ZNF804B: variants seen among roughly 807,000 people sequenced by gnomAD.
The protein encoded by ZNF804B is zinc finger 804B.
Under a neutral mutation model 101.4 loss-of-function variants are expected in ZNF804B, and 80 were observed. The ratio of observed to expected loss-of-function variants is 0.79; its 90% CI spans 0.66 to 0.95. The LOEUF is 0.95. Among genes scored for constraint, ZNF804B ranks in the 40% least tolerant of loss-of-function variants. The pLI, the probability that ZNF804B is intolerant of heterozygous loss-of-function variation, is 0.00. For synonymous variants in ZNF804B, 622 were observed against 558.8 expected, an observed-to-expected ratio of 1.11 and a Z score of -1.59; for missense variants, 1,673 against 1,561.9, an observed-to-expected ratio of 1.07 and a Z score of -1.20.
chr7:88,984,294 A>G lies in ZNF804B; in HGVS notation c.108+224210A>G, dbSNP rs184161770. On this transcript the variant is annotated intron_variant, in intron 1 of 3. Coordinates refer to ENST00000333190, the MANE Select transcript of ZNF804B (RefSeq NM_181646.5). ...CAGCTTAGTGTTTAACAAGACAATC[A>G]TTTCTTCTTAATGGAGGAATTTAAC... Among the ~76,000 whole-genome samples, 39 of 152,130 alleles carry G rather than the reference A, an allele frequency of 2.6e-4. No individual in the cohort carries two copies. In the East Asian group the frequency reaches 7.0e-3, roughly 27 times the overall value.
intron 1 of ZNF804B, among the ~76,000 whole-genome samples, chr7:89,155,866 C>T (rs919646014): frequency 6.6e-6 from 1 of 151,614 alleles, no homozygotes. Context: ...TCCTTGACCA[C>T]CCCTTTCTTC....
Position 89,333,878 on chromosome 7 carries a change from ACT to A in ZNF804B, c.899_900del (p.Ser300Ter). 1 of 1,613,172 alleles carries A rather than the reference ACT, an allele frequency of 6.2e-7. No homozygotes were observed. Among genetic ancestry groups the A allele is most frequent in the Non-Finnish European group, 8.5e-7 (1 of 1,179,612 alleles). ...GTTTTACACAATACCATCTCCATAA[ACT>A]CTAAAATTTTGCAAGACAAACACGA... On this transcript the variant is annotated frameshift_variant, in exon 4 of 4. Coordinates refer to ENST00000333190, the MANE Select transcript of ZNF804B (RefSeq NM_181646.5). LOFTEE classifies it high-confidence loss of function.
intron 1 of ZNF804B, among the ~76,000 whole-genome samples, chr7:88,876,725 GTGCTTTCATCTTC>G (rs1475646986): frequency 6.6e-6 from 1 of 151,808 alleles, no homozygotes; most frequent in East Asian, 1.9e-4. Flanking sequence ...AACATGGGCT[GTGCTTTCATCTTC>G]TTAATTAAAA....
intron 1 of ZNF804B, among the ~76,000 whole-genome samples, chr7:88,760,985 G>C (rs1002529766): frequency 6.7e-6 from 1 of 148,666 alleles, no homozygotes; most frequent in African/African-American, 2.5e-5. Flanking sequence ...CAAACTTAAA[G>C]ACCAACTTTT....
At chr7:89,038,034 TACAC>T (rs1173432659) in intron 1 of ZNF804B, among the ~76,000 whole-genome samples, 2 of 152,168 alleles carry the variant, frequency 1.3e-5, no homozygotes, top group African/African-American at 4.8e-5. Context: ...CACATGCACA[TACAC>T]ACACATGCAT....
chr7:88,900,272 T>G (rs1027621351), intron 1 of ZNF804B, among the ~76,000 whole-genome samples: 1 of 151,960 alleles, frequency 6.6e-6, no homozygotes, highest in East Asian at 1.9e-4. Flanking sequence ...ATTCTAGGAT[T>G]TTTAAAAATT....
chr7:89,337,003 G>A lies in ZNF804B; in HGVS notation c.4021G>A (p.Ala1341Thr). ...GCAACAGCTAAATGAAGTGAAAGAG[G>A]CCTTAAATGTGTCCACACACTTGAA... ...QMQQLNEVKE[A>T]LNVSTHLN Residue 1341 changes from alanine (A) to threonine (T), a missense_variant, in exon 4 of 4, where the codon GCC (alanine) becomes ACC (threonine). Coordinates refer to ENST00000333190, the MANE Select transcript of ZNF804B (RefSeq NM_181646.5). 6.2e-7 allele frequency: 1 copy of A among 1,613,908 alleles called. No homozygotes were observed. Among genetic ancestry groups the A allele is most frequent in the Non-Finnish European group, 8.5e-7 (1 of 1,179,934 alleles).
At chr7:89,200,736 C>T (rs1174192123) in intron 1 of ZNF804B, among the ~76,000 whole-genome samples, 4 of 151,898 alleles carry the variant, frequency 2.6e-5, no homozygotes, top group Non-Finnish European at 4.4e-5. Context: ...TTCTTCTGTC[C>T]ACCGCCAACA....
intron 1 of ZNF804B, among the ~76,000 whole-genome samples, chr7:88,800,855 T>C (rs984287718): frequency 2.6e-5 from 4 of 151,890 alleles, no homozygotes; most frequent in Admixed American, 1.3e-4. Flanking sequence ...ATCTGCAAAT[T>C]TGTTAAACTG....
chr7:88,865,351 G>C (rs1445336509), intron 1 of ZNF804B, among the ~76,000 whole-genome samples: 1 of 151,926 alleles, frequency 6.6e-6, no homozygotes, highest in Admixed American at 6.6e-5. Flanking sequence ...GGGCAACATA[G>C]GGAAACCTTG....
chr7:89,024,499 A>G (rs1043625894), intron 1 of ZNF804B, among the ~76,000 whole-genome samples: 1 of 152,016 alleles, frequency 6.6e-6, no homozygotes, highest in African/African-American at 2.4e-5. Context: ...AGTCTGGACA[A>G]TCATTATATT....
At chr7:89,311,763 T>G (rs1302895783) in intron 2 of ZNF804B, among the ~76,000 whole-genome samples, 4 of 152,198 alleles carry the variant, frequency 2.6e-5, no homozygotes, top group African/African-American at 9.6e-5. Context: ...TTCTTAGGAA[T>G]GCATTTCAGA....
At chr7:88,976,011 A>T (rs1462476780) in intron 1 of ZNF804B, among the ~76,000 whole-genome samples, 1 of 151,678 alleles carries the variant, frequency 6.6e-6, no homozygotes, top group African/African-American at 2.4e-5. Flanking sequence ...TCCCAGTGCC[A>T]TTTATTGAAG....
intron 2 of ZNF804B, among the ~76,000 whole-genome samples, chr7:89,235,747 A>G (rs1389330085): frequency 6.7e-6 from 1 of 150,356 alleles, no homozygotes; most frequent in African/African-American, 2.5e-5. Flanking sequence ...GACCATATTA[A>G]TTTAGGCCCC....
At chr7:89,316,882 G>C (rs776968925) in intron 2 of ZNF804B, among the ~76,000 whole-genome samples, 7 of 152,172 alleles carry the variant, frequency 4.6e-5, no homozygotes, top group Non-Finnish European at 1.0e-4. Context: ...CTAAGTTTGA[G>C]TGTGAAACAG....
rs552694794 is a variant in ZNF804B at position 88,886,285 on chromosome 7, G to A, written c.108+126201G>A. Among the ~76,000 whole-genome samples the A allele has an allele frequency of 9.2e-5, 14 of 151,912 alleles. No homozygotes were observed. In the South Asian group the frequency reaches 2.7e-3, roughly 29 times the overall value. On this transcript the variant is annotated intron_variant, in intron 1 of 3. Transcript: ENST00000333190. Reference sequence around the variant, plus strand: ...CATGGATGTATATTTGTAGGTGTGGGTAGGTGTTGATGTCTACTTGACAGT... The same window carrying A: ...CATGGATGTATATTTGTAGGTGTGGATAGGTGTTGATGTCTACTTGACAGT...
rs551753145 is a variant in ZNF804B, at chr7:89,060,477, A to G, written c.109-157678A>G. Among the ~76,000 whole-genome samples the G allele has an allele frequency of 2.0e-5, 3 of 152,302 alleles. No homozygotes were observed. The South Asian group carries it at 6.2e-4, about 32-fold the overall frequency. ...TAATTGAAATGGCAGAGCAATAACC[A>G]GACTGTCAAGTGGACAGCATCTACT... On this transcript the variant is annotated intron_variant, in intron 1 of 3. Transcript: ENST00000333190.
chr7:88,981,091 C>T (rs1793687598), intron 1 of ZNF804B, among the ~76,000 whole-genome samples: 1 of 152,076 alleles, frequency 6.6e-6, no homozygotes, highest in Admixed American at 6.6e-5. Context: ...ATAGCCACCA[C>T]AGTAGGAATG....
At chr7:89,103,047 T>TG (rs1790080777) in intron 1 of ZNF804B, among the ~76,000 whole-genome samples, 2 of 100,602 alleles carry the variant, frequency 2.0e-5, no homozygotes, top group South Asian at 3.3e-4. Context: ...CCTATGTGTC[T>TG]GTTTTTTTTT....
Sources: gnomAD v4.1 joint callset for allele counts (sites outside exome capture counted in the v4.1 genomes callset) on GRCh38, gnomAD v4.1.1 for gene constraint, MANE v1.5 for transcripts, NCBI Gene and HGNC (gene_info 2026-07-23, HGNC 2026-07-21) for gene names.